The following XKR4 variants were observed in gnomAD, a reference collection of about 807,000 sequenced individuals.
XKR4 encodes XK-related protein 4.
In XKR4, 12 loss-of-function variants were observed where a neutral mutation model predicts 53.9. The ratio of observed to expected loss-of-function variants is 0.22; its 90% CI spans 0.14 to 0.36. XKR4 has a LOEUF of 0.36. XKR4 is among the 10% of genes least tolerant of loss of function. XKR4 has a pLI of 1.00. For synonymous variants in XKR4, 354 were observed against 362.4 expected (o/e 0.98, Z 0.26); for missense variants, 799 against 859.5 (o/e 0.93, Z 0.88).
At chr8:55,472,879 T>C (rs972673865) in intron 2 of XKR4, among the ~76,000 whole-genome samples, 7 of 152,100 alleles carry the variant, frequency 4.6e-5, no homozygotes, top group Admixed American at 1.3e-4. Flanking sequence ...AGCGTTGTCT[T>C]ATGTTCTCGG....
chr8:55,438,606 A>AG (rs1805215222), intron 2 of XKR4, among the ~76,000 whole-genome samples: 2 of 146,404 alleles, frequency 1.4e-5, no homozygotes, highest in South Asian at 2.1e-4. Flanking sequence ...AAAAAAAAAA[A>AG]AGAGAGAGAG....
In XKR4 at chr8:55,528,915, C is replaced by T. The variant is rs1027307255; in HGVS notation, c.*4688C>T. The stretch of plus-strand genomic sequence containing the variant: ...ACTCTTGTCTGGACCTGTAACAGGC[C>T]GTGAAATGCCCTGAGCATTCGAGTG... On this transcript the variant is annotated 3_prime_UTR_variant, in exon 3 of 3. Transcript: ENST00000327381. 3 of 151,478 alleles carry T rather than the reference C, an allele frequency of 2.0e-5. No homozygotes were observed. The highest frequency in any genetic ancestry group is 7.3e-5 in the African/African-American group (3 of 41,142). 9.4% of individuals were successfully genotyped at this position (151,478 alleles called of 1,614,324 possible).
intron 1 of XKR4, among the ~76,000 whole-genome samples, chr8:55,256,507 A>T (rs1272852496): frequency 6.6e-6 from 1 of 152,200 alleles, no homozygotes; most frequent in Non-Finnish European, 1.5e-5. Context: ...CATTTAGGAA[A>T]CAATATCAGC....
intron 1 of XKR4, among the ~76,000 whole-genome samples, chr8:55,224,211 G>A (rs1339372046): frequency 6.6e-6 from 1 of 151,354 alleles, no homozygotes; most frequent in African/African-American, 2.4e-5. Flanking sequence ...TTTCACACTG[G>A]TTCTCATTTT....
At chr8:55,119,509 T>C (rs1341848041) in intron 1 of XKR4, among the ~76,000 whole-genome samples, 1 of 151,658 alleles carries the variant, frequency 6.6e-6, no homozygotes, top group Non-Finnish European at 1.5e-5. Flanking sequence ...GGACAGCAGA[T>C]GAGAAGGGGG....
chr8:55,124,572 A>C (rs1367172816), intron 1 of XKR4, among the ~76,000 whole-genome samples: 1 of 152,246 alleles, frequency 6.6e-6, no homozygotes, highest in African/African-American at 2.4e-5. Flanking sequence ...TTAAAATCAC[A>C]ATTCCTTCTG....
chr8:55,209,800 A>G (rs1303026676), intron 1 of XKR4, among the ~76,000 whole-genome samples: 1 of 152,220 alleles, frequency 6.6e-6, no homozygotes, highest in Non-Finnish European at 1.5e-5. Flanking sequence ...AGAGACCAGA[A>G]GAGGCTTGAG....
intron 2 of XKR4, among the ~76,000 whole-genome samples, chr8:55,384,961 C>T (rs570866220): frequency 2.0e-5 from 3 of 152,228 alleles, no homozygotes; most frequent in South Asian, 2.1e-4. Context: ...GAATGGCCAT[C>T]GTAACTAGTG....
At chr8:55,295,037 G>A (rs138653032) in intron 1 of XKR4, among the ~76,000 whole-genome samples, 21 of 152,220 alleles carry the variant, frequency 1.4e-4, no homozygotes, top group African/African-American at 4.6e-4. Flanking sequence ...GACCAGTTGA[G>A]ATAATTCATG....
chr8:55,142,493 A>T (rs1816720337), intron 1 of XKR4: 1 of 161,598 alleles, frequency 6.2e-6, no homozygotes. Context: ...CATGTTCAAA[A>T]TGAAGAGATT....
chr8:55,214,306 G>A (rs937574556), intron 1 of XKR4, among the ~76,000 whole-genome samples: 1 of 152,138 alleles, frequency 6.6e-6, no homozygotes, highest in Non-Finnish European at 1.5e-5. Flanking sequence ...AACATGCTGA[G>A]GGCAATACCA....
intron 2 of XKR4, among the ~76,000 whole-genome samples, chr8:55,456,145 G>A (rs535063861): frequency 6.6e-6 from 1 of 152,170 alleles, no homozygotes; most frequent in South Asian, 2.1e-4. Context: ...TTGACTCAGA[G>A]TAGCAGCTGG....
At chr8:55,307,564 G>A (rs1677285621) in intron 1 of XKR4, among the ~76,000 whole-genome samples, 1 of 152,000 alleles carries the variant, frequency 6.6e-6, no homozygotes, top group Non-Finnish European at 1.5e-5. Context: ...TGAGGTGGAA[G>A]GATCGCTTGA....
intron 1 of XKR4, among the ~76,000 whole-genome samples, chr8:55,222,162 T>C (rs1238645598): frequency 6.6e-6 from 1 of 152,032 alleles, no homozygotes; most frequent in Non-Finnish European, 1.5e-5. Context: ...GTAGTCTCTG[T>C]CTTCTCAGAT....
chr8:55,164,246 C>T, intron 1 of XKR4: 4 of 456,502 alleles, frequency 8.8e-6, no homozygotes, highest in South Asian at 6.2e-5. Flanking sequence ...TGAGACCCAT[C>T]TCCTCTTTCT....
At chr8:55,471,056 T>G (rs1262725820) in intron 2 of XKR4, among the ~76,000 whole-genome samples, 1 of 152,130 alleles carries the variant, frequency 6.6e-6, no homozygotes, top group Non-Finnish European at 1.5e-5. Context: ...CACCATCCAG[T>G]ACAGTAGCCA....
At chr8:55,454,412 C>T in intron 2 of XKR4, 2 of 1,317,936 alleles carry the variant, frequency 1.5e-6, no homozygotes, top group Non-Finnish European at 1.1e-6. Flanking sequence ...TGCCAGGAGG[C>T]TCCTGCAGGC....
chr8:55,241,808 C>A (rs1261979625), intron 1 of XKR4, among the ~76,000 whole-genome samples: 1 of 152,150 alleles, frequency 6.6e-6, no homozygotes, highest in African/African-American at 2.4e-5. Flanking sequence ...AAGTGCTTAA[C>A]ATCTAACAGG....
chr8:55,472,049 T>C (rs1805892952), intron 2 of XKR4, among the ~76,000 whole-genome samples: 1 of 152,102 alleles, frequency 6.6e-6, no homozygotes, highest in South Asian at 2.1e-4. Context: ...GGTGGGTTGA[T>C]GAATAAAAGA....
Sources: allele counts gnomAD v4.1 joint callset (sites outside exome capture counted in the v4.1 genomes callset), GRCh38; gene constraint gnomAD v4.1.1; transcripts MANE v1.5; gene names NCBI Gene and HGNC (gene_info 2026-07-23, HGNC 2026-07-21).